Variants in RECQL5 observed in about 807,000 individuals in gnomAD.
The protein encoded by RECQL5 is RecQ like helicase 5, also known as ATP-dependent DNA helicase Q5.
RECQL5 carries 88 observed loss-of-function variants against 103.4 expected under a neutral mutation model. The ratio of observed to expected loss-of-function variants is 0.85; its 90% CI spans 0.72 to 1.02. The LOEUF (loss-of-function observed/expected upper bound fraction) is 1.02, where lower values mean the gene tolerates loss of function less well. Ranked by LOEUF, RECQL5 falls within the 50% of genes least tolerant of loss-of-function variation. RECQL5 has a pLI of 0.00. For missense variants in RECQL5, 1,232 were observed against 1,284.3 expected (o/e 0.96, Z 0.62); for synonymous variants, 552 against 507.9 (o/e 1.09, Z -1.17).
At chr17:75,631,336 T>C (rs1353257961) in intron 9 of RECQL5, 87 bp from the exon 10 acceptor site, 1 of 1,534,688 alleles carries the variant, frequency 6.5e-7, no homozygotes, top group Non-Finnish European at 9.0e-7. Context: ...GTCCCTGATG[T>C]CCTACCAGCT....
rs972145896 is a variant in RECQL5 at position 75,662,727 on chromosome 17, G to A, written c.523C>T (p.Arg175Cys). The change falls in exon 4 of 20, where the codon CGT becomes TGT. Residue 175 changes from arginine (R) to cysteine (C), a missense_variant. Arg to Cys is a radical substitution (Grantham distance 180). Coordinates refer to ENST00000317905, the MANE Select transcript of RECQL5 (RefSeq NM_004259.7). Reference protein sequence around the residue: ...WGHDFRPDYLRLGALRSRLGH... With the variant: ...WGHDFRPDYLCLGALRSRLGH... ...AGGCGGGAGCGCAGGGCACCCAGAC[G>A]CAAGTAGTCAGGACGAAAGTCATGC... 8.4e-5 allele frequency: 136 copies of A among 1,613,876 alleles called. No individual in the cohort carries two copies. The highest frequency in any genetic ancestry group is 1.6e-4 in the Middle Eastern group (1 of 6,084).
intron 9 of RECQL5, 42 bp from the exon 10 acceptor site, chr17:75,631,291 G>A: frequency 6.3e-7 from 1 of 1,592,004 alleles, no homozygotes; most frequent in Non-Finnish European, 8.6e-7. Flanking sequence ...CCTGGGCTCT[G>A]CCCTCCCCAT....
chr17:75,641,037 C>T lies in RECQL5; in HGVS notation c.1230-9369G>A, dbSNP rs1013555394. The stretch of plus-strand genomic sequence containing the variant: ...CTCTGGCCCAGCCCAGGTACCTGGA[C>T]ACTGACAACTTGAGCCCTACCAAGG... On this transcript the variant is annotated intron_variant, in intron 8 of 19. Transcript: ENST00000317905. The T allele has an allele frequency of 2.8e-6, 4 of 1,408,944 alleles. No individual in the cohort carries two copies. The African/African-American group carries it at 5.7e-5, about 20-fold the overall frequency. 87.3% of individuals were successfully genotyped at this position (1,408,944 alleles called of 1,614,324 possible).
chr17:75,633,832 A>G, intron 8 of RECQL5: 1 of 1,000,630 alleles, frequency 1.0e-6, no homozygotes, highest in South Asian at 4.0e-5. Flanking sequence ...TTCAGCTCCC[A>G]ACCCAGGCCC....
intron 8 of RECQL5, among the ~76,000 whole-genome samples, chr17:75,635,432 TGAA>T (rs2059302532): frequency 2.0e-5 from 3 of 152,114 alleles, no homozygotes; most frequent in Admixed American, 1.3e-4. Context: ...GGAGGGTGAA[TGAA>T]CAGCCAGCTT....
chr17:75,666,674 A>G (rs1568290702), intron 1 of RECQL5, 103 bp from the exon 2 acceptor site: 1 of 1,112,676 alleles, frequency 9.0e-7, no homozygotes, highest in Middle Eastern at 3.1e-4. Flanking sequence ...GCTATATTAC[A>G]CTTAAATAAT....
chr17:75,655,371 T>C (rs1390516176), intron 7 of RECQL5, among the ~76,000 whole-genome samples: 10 of 142,948 alleles, frequency 7.0e-5, no homozygotes, highest in Non-Finnish European at 1.1e-4. Flanking sequence ...GCGCCTGGCC[T>C]TTTTTTTTTT....
rs1167323538 is a variant in RECQL5 at position 75,650,610 on chromosome 17, ACTC to A, written c.1229+573_1229+575del. 22 of 1,603,528 alleles carry A rather than the reference ACTC, an allele frequency of 1.4e-5. No homozygotes were observed. In the East Asian group the frequency reaches 5.0e-4, roughly 36 times the overall value. On this transcript the variant is annotated intron_variant, in intron 8 of 19. Coordinates refer to ENST00000317905, the MANE Select transcript of RECQL5 (RefSeq NM_004259.7). The stretch of plus-strand genomic sequence containing the variant: ...GAGCTTTTTAGACCAAAATGTAAAA[ACTC>A]CTCCTGGGTGTCTCTCCTGCAGGCA...
At chr17:75,654,468 T>C (rs2059592656) in intron 7 of RECQL5, among the ~76,000 whole-genome samples, 1 of 152,208 alleles carries the variant, frequency 6.6e-6, no homozygotes, top group Non-Finnish European at 1.5e-5. Context: ...CATCTTTGCT[T>C]TCTAGGTTTA....
chr17:75,630,875 C>T lies in RECQL5; in HGVS notation c.1586-38G>A, dbSNP rs529866011. ...GGGGTGGTCCTTGGTCCTTTCGCTC[C>T]ACCTTCTGCGCTCTGAGGTCCCCCA... is the stretch of plus-strand genomic sequence containing the variant. On this transcript the variant is annotated intron_variant, in intron 11 of 19. Transcript: ENST00000317905. 7.9e-6 allele frequency: 12 copies of T among 1,522,320 alleles called. No individual in the cohort carries two copies. In the African/African-American group the frequency reaches 1.5e-4, roughly 19 times the overall value. The allele number at this position is 1,522,320 out of a possible 1,614,324, so 94.3% of individuals were successfully genotyped here.
In RECQL5 at chr17:75,651,228, A is replaced by G; in HGVS notation, c.1187T>C (p.Ile396Thr). ...RGNKASDKAT[I>T]MAFDALVTFC... Reference sequence around the variant, plus strand: ...GGTCACCAGGGCATCAAAGGCCATGATAGTGGCTTTATCAGATGCTTTGTT... The same window carrying G: ...GGTCACCAGGGCATCAAAGGCCATGGTAGTGGCTTTATCAGATGCTTTGTT... Residue 396 changes from isoleucine (I) to threonine (T), a missense_variant, in exon 8 of 20, where the codon ATC (isoleucine) becomes ACC (threonine). By Grantham distance (89) the Ile-to-Thr change is moderately conservative. Coordinates refer to ENST00000317905, the MANE Select transcript of RECQL5 (RefSeq NM_004259.7). 6.2e-7 allele frequency: 1 copy of G among 1,614,246 alleles called. No individual in the cohort carries two copies.
chr17:75,664,258 AC>A (rs2059738299), intron 3 of RECQL5, among the ~76,000 whole-genome samples: 1 of 152,076 alleles, frequency 6.6e-6, no homozygotes, highest in Admixed American at 6.6e-5. Context: ...TAGTCAGAAC[AC>A]CTGTAGAGCA....
At chr17:75,665,487 T>C (rs1181190698) in intron 2 of RECQL5, among the ~76,000 whole-genome samples, 2 of 152,010 alleles carry the variant, frequency 1.3e-5, no homozygotes, top group African/African-American at 4.8e-5. Context: ...GGCAAGAGTT[T>C]GAGACCAGCC....
chr17:75,655,424 T>C (rs1035629949), intron 7 of RECQL5, among the ~76,000 whole-genome samples: 1 of 147,286 alleles, frequency 6.8e-6, no homozygotes, highest in Non-Finnish European at 1.5e-5. Flanking sequence ...AGTGCAGTGG[T>C]GCAATCTGGG....
At position 75,628,392 on chromosome 17, in the gene RECQL5, G is replaced by C. The variant is rs775616163; in HGVS notation, c.2631C>G (p.Pro877=). The C allele has an allele frequency of 1.1e-5, 18 of 1,613,860 alleles. No individual in the cohort carries two copies. The Admixed American group carries it at 1.5e-4, about 13-fold the overall frequency. The change falls in exon 18 of 20, where the codon CCC becomes CCG. Residue 877 remains proline, a synonymous_variant. Coordinates refer to ENST00000317905, the MANE Select transcript of RECQL5 (RefSeq NM_004259.7). ...TGCCCTTGACCTCAGCTACGACGGA[G>C]GGCTTGGCTGAGGGGCGTGGCCTCT... The part of the protein sequence containing the change: ...PQKRPRPSAK[P]SVVAEVKGSV...
chr17:75,632,165 A>T (rs1183722666), intron 8 of RECQL5, among the ~76,000 whole-genome samples: 2 of 152,174 alleles, frequency 1.3e-5, no homozygotes, highest in East Asian at 3.8e-4. Flanking sequence ...CTGCACAGCC[A>T]ATGGTGGTCC....
intron 6 of RECQL5, among the ~76,000 whole-genome samples, chr17:75,660,611 G>A (rs189259616): frequency 1.3e-5 from 2 of 152,304 alleles, no homozygotes; most frequent in African/African-American, 2.4e-5. Flanking sequence ...GTCATTGACC[G>A]AAACATCAAC....
Position 75,647,267 on chromosome 17 carries a change from CACAGAGGCTGCT to C in RECQL5, c.1229+3907_1229+3918del, listed in dbSNP as rs979866832. The C allele has an allele frequency of 1.7e-5, 17 of 1,001,914 alleles. No homozygotes were observed. The East Asian group carries it at 2.4e-4, about 14-fold the overall frequency. 62.1% of individuals were successfully genotyped at this position (1,001,914 alleles called of 1,614,324 possible). ...CTGGCTGCCAGGCGGGCCGGCTGCT[CACAGAGGCTGCT>C]ACAGAGGCTGGAGTCGGCGGGCAGA... On this transcript the variant is annotated intron_variant, in intron 8 of 19. Coordinates refer to ENST00000317905, the MANE Select transcript of RECQL5 (RefSeq NM_004259.7).
rs1555706046 is a variant in RECQL5, at chr17:75,630,845, G to GGGGT, written c.1586-9_1586-8insACCC. ...TCAGGGGACAGTTCTCATCTGTGGGGGGGGGGGGTGGTCCTTGGTCCTTTC... is the reference window on the plus strand; with the variant it reads ...TCAGGGGACAGTTCTCATCTGTGGGGGGGTGGGGGGGGTGGTCCTTGGTCCTTTC... On this transcript the variant is annotated splice_polypyrimidine_tract_variant and intron_variant, in intron 11 of 19. Coordinates refer to ENST00000317905, the MANE Select transcript of RECQL5 (RefSeq NM_004259.7). The GGGGT allele has an allele frequency of 7.2e-7, 1 of 1,396,024 alleles. No individual in the cohort carries two copies. Among genetic ancestry groups the GGGGT allele is most frequent in the African/African-American group, 1.7e-5 (1 of 60,416 alleles). 86.5% of individuals were successfully genotyped at this position (1,396,024 alleles called of 1,614,324 possible).
Sources: gnomAD v4.1 joint callset for allele counts (sites outside exome capture counted in the v4.1 genomes callset) on GRCh38, gnomAD v4.1.1 for gene constraint, MANE v1.5 for transcripts, NCBI Gene and HGNC (gene_info 2026-07-23, HGNC 2026-07-21) for gene names.